Variants in PCDHGB2 observed in about 807,000 individuals in gnomAD.
PCDHGB2 encodes protocadherin gamma subfamily B, 2, also known as protocadherin gamma-B2.
In PCDHGB2, 55 loss-of-function variants were observed where a neutral mutation model predicts 59.3. The observed-to-expected ratio is 0.93, with a 90% confidence interval of 0.75 to 1.16. The LOEUF is 1.16. Ranked by LOEUF, PCDHGB2 falls within the 50% of genes most tolerant of loss-of-function variation. PCDHGB2 has a pLI of 0.00. For synonymous variants in PCDHGB2, 516 were observed against 512.0 expected (o/e 1.01, Z -0.11); for missense variants, 1,228 against 1,198.5 (o/e 1.02, Z -0.36).
chr5:141,423,594 C>A, intron 1 of PCDHGB2: 1 of 1,599,308 alleles, frequency 6.3e-7, no homozygotes, highest in South Asian at 1.1e-5. Context: ...GTGAGAAAAG[C>A]GAGCCACTCT....
At chr5:141,466,765 G>A (rs1199343616) in intron 1 of PCDHGB2, among the ~76,000 whole-genome samples, 1 of 151,996 alleles carries the variant, frequency 6.6e-6, no homozygotes, top group African/African-American at 2.4e-5. Context: ...TTTTCAAACT[G>A]TTATCTTATT....
At chr5:141,384,280 A>G (rs1779919886) in intron 1 of PCDHGB2, 2 of 1,613,714 alleles carry the variant, frequency 1.2e-6, no homozygotes, top group Non-Finnish European at 1.7e-6. Context: ...CTCAGTCTAC[A>G]TCGCTGAGAA....
chr5:141,395,041 T>C (rs2093154278), intron 1 of PCDHGB2: 1 of 1,613,994 alleles, frequency 6.2e-7, no homozygotes, highest in South Asian at 1.1e-5. Flanking sequence ...TTTGTGGGTG[T>C]TGAGGAGGTA....
intron 1 of PCDHGB2, chr5:141,382,985 G>C (rs769787880): frequency 1.2e-6 from 2 of 1,613,304 alleles, no homozygotes; most frequent in African/African-American, 2.7e-5. Context: ...GCCTGGGCAG[G>C]ACGTATTCTC....
intron 1 of PCDHGB2, chr5:141,419,798 A>G: frequency 6.2e-7 from 1 of 1,614,050 alleles, no homozygotes; most frequent in Admixed American, 1.7e-5. Flanking sequence ...AGTCGCTGTA[A>G]GAGATGGAGG....
chr5:141,491,327 T>C lies in PCDHGB2; in HGVS notation c.2422-3480T>C, dbSNP rs1422115943. ...TCAGACCTTACCCTTTACCTCATTG[T>C]GGCTCTAGCGACCGTCAGTCTCTTA... is the stretch of plus-strand genomic sequence containing the variant. On this transcript the variant is annotated intron_variant, in intron 1 of 3. Coordinates refer to ENST00000522605, the MANE Select transcript of PCDHGB2 (RefSeq NM_018923.3). This position sits in a 1 kb window ranked among gnomAD's most constrained non-coding sequence, Gnocchi z 6.9. 5.6e-6 allele frequency: 9 copies of C among 1,614,098 alleles called. No homozygotes were observed. Among genetic ancestry groups the C allele is most frequent in the Admixed American group, 3.3e-5 (2 of 60,006 alleles).
intron 1 of PCDHGB2, chr5:141,385,071 G>T (rs1325191501): frequency 6.2e-7 from 1 of 1,614,088 alleles, no homozygotes; most frequent in Non-Finnish European, 8.5e-7. Flanking sequence ...AGTCACGCCT[G>T]CTGCAGGCTT....
chr5:141,428,358 G>T, intron 1 of PCDHGB2: 1 of 565,492 alleles, frequency 1.8e-6, no homozygotes, highest in Non-Finnish European at 3.2e-6. Flanking sequence ...TGATTTTGGC[G>T]GTCGCCTTGC....
chr5:141,423,972 T>A (rs1459859824), intron 1 of PCDHGB2: 2 of 1,128,544 alleles, frequency 1.8e-6, no homozygotes, highest in African/African-American at 3.3e-5. Flanking sequence ...CTATTATCAG[T>A]GTATGAGGCT....
chr5:141,502,027 C>T (rs547850211), intron 2 of PCDHGB2, among the ~76,000 whole-genome samples: 6 of 152,274 alleles, frequency 3.9e-5, no homozygotes, highest in African/African-American at 9.6e-5. Flanking sequence ...CTGCAACCCC[C>T]GCCGCTTGCC....
chr5:141,504,941 T>G (rs2099842166), intron 2 of PCDHGB2, among the ~76,000 whole-genome samples: 1 of 152,046 alleles, frequency 6.6e-6, no homozygotes, highest in East Asian at 1.9e-4. Flanking sequence ...GGTGGGGGAA[T>G]GCACTATGTT....
chr5:141,403,571 G>T (rs778030830), intron 1 of PCDHGB2: 2 of 1,613,904 alleles, frequency 1.2e-6, no homozygotes, highest in South Asian at 1.1e-5. Flanking sequence ...GGAGGCAACT[G>T]CCCACCACCT....
At chr5:141,380,140 T>C (rs1776247193) in intron 1 of PCDHGB2, among the ~76,000 whole-genome samples, 1 of 151,998 alleles carries the variant, frequency 6.6e-6, no homozygotes, top group Non-Finnish European at 1.5e-5. Context: ...CCTTAAGTGA[T>C]CCACCCGCCT....
At chr5:141,388,133 G>T (rs2091251188) in intron 1 of PCDHGB2, 3 of 1,450,776 alleles carry the variant, frequency 2.1e-6, no homozygotes. Flanking sequence ...AGAGCGGGGA[G>T]TTGCTTGTGA....
chr5:141,468,374 C>T (rs1340499708), intron 1 of PCDHGB2: 2 of 150,736 alleles, frequency 1.3e-5, no homozygotes, highest in Non-Finnish European at 3.0e-5. Context: ...ATAACTCAGC[C>T]ATACAAGGCT....
intron 1 of PCDHGB2, chr5:141,383,949 G>T (rs538018556): frequency 4.3e-6 from 7 of 1,613,584 alleles, no homozygotes; most frequent in Non-Finnish European, 5.9e-6. Context: ...TGACTATGAC[G>T]TCTTTAAGTA....
chr5:141,428,037 C>T, intron 1 of PCDHGB2: 1 of 1,608,458 alleles, frequency 6.2e-7, no homozygotes, highest in South Asian at 1.1e-5. Context: ...GTCCGGCTAC[C>T]TGGTGACCAA....
At chr5:141,376,460 A>G (rs1437479138) in intron 1 of PCDHGB2, 3 of 1,614,038 alleles carry the variant, frequency 1.9e-6, no homozygotes, top group Non-Finnish European at 2.5e-6. Context: ...GCCTCTTCTG[A>G]TAACTCAGGA....
At chr5:141,371,542 T>A in intron 1 of PCDHGB2, 1 of 1,613,786 alleles carries the variant, frequency 6.2e-7, no homozygotes, top group Non-Finnish European at 8.5e-7. Flanking sequence ...GGAGAAATCC[T>A]ATGCCAACTA....
Sources: allele counts gnomAD v4.1 joint callset (sites outside exome capture counted in the v4.1 genomes callset), GRCh38; gene constraint gnomAD v4.1.1; non-coding constraint Gnocchi (gnomAD v3.1); transcripts MANE v1.5; gene names NCBI Gene and HGNC (gene_info 2026-07-23, HGNC 2026-07-21).